DMD: variants seen among roughly 807,000 people sequenced by gnomAD.
DMD encodes dystrophin, also known as mutant dystrophin.
A neutral mutation model predicts 330.1 loss-of-function variants in DMD; 63 were observed. That is an observed-to-expected ratio of 0.19 (90% CI 0.16 to 0.24). DMD has a LOEUF of 0.24. Ranked by LOEUF, DMD falls within the 10% of genes least tolerant of loss-of-function variation. The pLI, the probability that DMD is intolerant of heterozygous loss-of-function variation, is 1.00. For synonymous variants in DMD, 1,223 were observed against 959.8 expected (o/e 1.27, Z -5.07); for missense variants, 3,344 against 2,684.1 (o/e 1.25, Z -5.43).
chrX:32,493,223 A>C (rs1477405754), intron 19 of DMD, among the ~76,000 whole-genome samples: 1 of 111,745 alleles, frequency 8.9e-6, no homozygotes, highest in African/African-American at 3.3e-5. Context: ...ATTTGTCATA[A>C]TGATATTAAT....
At chrX:31,660,291 A>G (rs187471443) in intron 53 of DMD, among the ~76,000 whole-genome samples, 13 of 111,920 alleles carry the variant, frequency 1.2e-4, no homozygotes, top group Admixed American at 1.0e-3. Context: ...TCTATTCTCC[A>G]CTTTTCAGAT....
In DMD at chrX:31,776,462, G is replaced by T. The variant is rs917405030; in HGVS notation, c.7310-2270C>A. Among the ~76,000 whole-genome samples, 4 of 108,149 alleles carry T rather than the reference G, an allele frequency of 3.7e-5. No individual in the cohort carries two copies. In the Admixed American group the frequency reaches 4.0e-4, roughly 11 times the overall value. 93.9% of individuals were successfully genotyped at this position (108,149 alleles called of 115,157 possible). A position where few individuals can be genotyped will look rare whatever the true frequency, so the allele number is the denominator to read the frequency against. On this transcript the variant is annotated intron_variant, in intron 50 of 78. Transcript: ENST00000357033. ...TACCTAATGAGGTGGAAATGATCAT[G>T]TCACACTAAATTTCAATAAAGTGAA...
At chrX:31,863,193 A>C (rs991502685) in intron 48 of DMD, among the ~76,000 whole-genome samples, 1 of 111,898 alleles carries the variant, frequency 8.9e-6, no homozygotes, top group African/African-American at 3.2e-5. Context: ...AATACACAAA[A>C]TTAGCCGGGC....
intron 2 of DMD, among the ~76,000 whole-genome samples, chrX:32,945,164 G>A (rs1472815506): frequency 1.8e-5 from 2 of 109,061 alleles, no homozygotes; most frequent in African/African-American, 3.3e-5. Flanking sequence ...TCTGTCCATG[G>A]ATGCAAATAT....
At position 32,433,632 on chromosome X, in the gene DMD, T is replaced by C. The variant is rs1321872882; in HGVS notation, c.4071+4609A>G. Among the ~76,000 whole-genome samples the C allele has an allele frequency of 2.7e-4, 30 of 111,018 alleles. No homozygotes were observed. The Admixed American group carries it at 2.9e-3, about 11-fold the overall frequency. ...GGAGGAGGTTGCAGTGAGCTGAGAT[T>C]GCACCCTTGTACTCTAGCCTGGGCA... On this transcript the variant is annotated intron_variant, in intron 29 of 78. Coordinates refer to ENST00000357033, the MANE Select transcript of DMD (RefSeq NM_004006.3).
intron 65 of DMD, among the ~76,000 whole-genome samples, chrX:31,207,269 A>G (rs1388228452): frequency 8.9e-6 from 1 of 112,310 alleles, no homozygotes; most frequent in Non-Finnish European, 1.9e-5. Flanking sequence ...ATATGATCTA[A>G]AAAATAAATT....
intron 1 of DMD, among the ~76,000 whole-genome samples, chrX:33,032,051 T>G (rs1160810199): frequency 1.8e-5 from 2 of 111,961 alleles, no homozygotes; most frequent in African/African-American, 6.5e-5. Context: ...CATCGGTTTC[T>G]TTTTCTTCCT....
chrX:32,216,491 G>A (rs1041428744), intron 44 of DMD, among the ~76,000 whole-genome samples: 4 of 111,757 alleles, frequency 3.6e-5, no homozygotes, highest in African/African-American at 1.3e-4. Context: ...CTACAAAATT[G>A]TCTTTAGGAA....
At chrX:32,426,681 C>A (rs2098214186) in intron 29 of DMD, among the ~76,000 whole-genome samples, 1 of 111,434 alleles carries the variant, frequency 9.0e-6, no homozygotes, top group African/African-American at 3.3e-5. Context: ...CAACACTATT[C>A]ACAATAGCAA....
chrX:32,711,956 A>G (rs1231436401), intron 7 of DMD, among the ~76,000 whole-genome samples: 2 of 112,098 alleles, frequency 1.8e-5, no homozygotes, highest in Non-Finnish European at 3.8e-5. Flanking sequence ...TCATTTCTTC[A>G]TACCCTCATT....
Position 31,890,151 on chromosome X carries a change from G to C in DMD, c.6913-14778C>G, listed in dbSNP as rs189594791. 3.2e-3 allele frequency among the ~76,000 whole-genome samples: 347 copies of C among 109,025 alleles called. 1 individual carries two copies. Among genetic ancestry groups the C allele is most frequent in the Admixed American group, 5.3e-3 (53 of 10,064 alleles). The allele number at this position is 109,025 out of a possible 115,157, so 94.7% of individuals were successfully genotyped here. ...CTGTACTTCAGAATATGGATTTCAGGGGGGGAAAGAAAGGGAAAACTACAC... is the reference window on the plus strand; with the variant it reads ...CTGTACTTCAGAATATGGATTTCAGCGGGGGAAAGAAAGGGAAAACTACAC... On this transcript the variant is annotated intron_variant, in intron 47 of 78. Transcript: ENST00000357033.
At chrX:31,242,643 C>CT (rs373854758) in intron 63 of DMD, among the ~76,000 whole-genome samples, 7 of 109,050 alleles carry the variant, frequency 6.4e-5, no homozygotes, top group African/African-American at 2.0e-4. Flanking sequence ...CTGACATAGG[C>CT]TTTTTTCAAA....
intron 56 of DMD, among the ~76,000 whole-genome samples, chrX:31,503,826 G>A (rs772595159): frequency 1.8e-5 from 2 of 110,477 alleles, no homozygotes; most frequent in Admixed American, 1.9e-4. Context: ...TCTATGTTGG[G>A]GAGTAACAGA....
intron 6 of DMD, among the ~76,000 whole-genome samples, chrX:32,815,109 T>C (rs1453775648): frequency 9.0e-6 from 1 of 110,933 alleles, no homozygotes; most frequent in Non-Finnish European, 1.9e-5. Flanking sequence ...TCTGCCTCTG[T>C]TCTAAATCAG....
intron 7 of DMD, among the ~76,000 whole-genome samples, chrX:32,796,460 G>T (rs1017577034): frequency 9.0e-6 from 1 of 111,159 alleles, no homozygotes; most frequent in East Asian, 2.8e-4. Flanking sequence ...GGCTAGGAAG[G>T]GTAGGAAGGG....
At chrX:32,875,628 T>C (rs1307609283) in intron 2 of DMD, among the ~76,000 whole-genome samples, 1 of 112,295 alleles carries the variant, frequency 8.9e-6, no homozygotes, top group Non-Finnish European at 1.9e-5. Flanking sequence ...TAGGTTATGG[T>C]CTACTACTCC....
chrX:31,729,061 G>A (rs1353998728), intron 52 of DMD, among the ~76,000 whole-genome samples: 1 of 112,094 alleles, frequency 8.9e-6, no homozygotes, highest in Non-Finnish European at 1.9e-5. Context: ...GGATAGGAGT[G>A]TATGTCAGAA....
intron 2 of DMD, among the ~76,000 whole-genome samples, chrX:32,906,924 T>C (rs1436583620): frequency 1.8e-5 from 2 of 112,026 alleles, no homozygotes; most frequent in East Asian, 5.6e-4. Flanking sequence ...TATATTAGAA[T>C]GACATTATAT....
chrX:31,968,965 G>C (rs1331958837), intron 44 of DMD, among the ~76,000 whole-genome samples: 1 of 110,418 alleles, frequency 9.1e-6, no homozygotes, highest in African/African-American at 3.3e-5. Context: ...GTTAGTCACA[G>C]TATTAAAAAA....
Sources: allele counts gnomAD v4.1 joint callset (sites outside exome capture counted in the v4.1 genomes callset), GRCh38; gene constraint gnomAD v4.1.1; transcripts MANE v1.5; gene names NCBI Gene and HGNC (gene_info 2026-07-23, HGNC 2026-07-21).